The following OR6K6 variants were observed in gnomAD, a reference collection of about 807,000 sequenced individuals.
OR6K6 encodes the protein olfactory receptor 6K6.
A neutral mutation model predicts 8.1 loss-of-function variants in OR6K6; 9 were observed. The ratio of observed to expected loss-of-function variants is 1.11; its 90% CI spans 0.67 to 1.94. The LOEUF (loss-of-function observed/expected upper bound fraction) is 1.94. OR6K6 is among the 30% of genes most tolerant of loss of function. The pLI, the probability that OR6K6 is intolerant of heterozygous loss-of-function variation, is 0.00. For missense variants in OR6K6, 400 were observed against 383.1 expected, an observed-to-expected ratio of 1.04 and a Z score of -0.37; for synonymous variants, 156 against 140.3, an observed-to-expected ratio of 1.11 and a Z score of -0.79.
exon 1 of OR6K6, chr1:158,755,663 C>A: frequency 6.2e-7 from 1 of 1,614,134 alleles, no homozygotes; most frequent in Non-Finnish European, 8.5e-7. Flanking sequence ...GGCAGTGTGG[C>A]TGTCATGTAT....
chr1:158,755,267 A>G lies in OR6K6; in HGVS notation c.380A>G (p.Tyr127Cys). 2.5e-6 allele frequency: 4 copies of G among 1,614,082 alleles called. No homozygotes were observed. The South Asian group carries it at 4.4e-5, about 18-fold the overall frequency. Residue 127 changes from tyrosine (Y) to cysteine (C), a missense_variant, in exon 1 of 1, where the codon TAC becomes TGC. Transcript: ENST00000641861. ...CTGACAGCAATGGCCATTGACAGGT[A>G]CATAGCTATCTGCAATCCACTCCGT...
At chr1:158,755,167 A>C in exon 1 of OR6K6, 1 of 1,614,076 alleles carries the variant, frequency 6.2e-7, no homozygotes, top group Non-Finnish European at 8.5e-7. Context: ...CAGTGAGCAG[A>C]AGAGCATTTC....
At chr1:158,755,834 G>T (rs753446863) in exon 1 of OR6K6, 2 of 1,600,640 alleles carry the variant, frequency 1.2e-6, no homozygotes, top group Non-Finnish European at 1.7e-6. Flanking sequence ...AGGGCTGGTT[G>T]GGCTGGGAAA....
chr1:158,755,534 T>C, exon 1 of OR6K6: 1 of 1,614,218 alleles, frequency 6.2e-7, no homozygotes, highest in Non-Finnish European at 8.5e-7. Flanking sequence ...TCCTTCCTGG[T>C]CATTGCTCTA....
exon 1 of OR6K6, chr1:158,755,442 C>G (rs866042716): frequency 1.2e-6 from 2 of 1,614,204 alleles, no homozygotes; most frequent in Admixed American, 3.3e-5. Context: ...TCTGTGATTT[C>G]ACACCTGTGC....
At chr1:158,755,215 T>C in exon 1 of OR6K6, 1 of 1,614,096 alleles carries the variant, frequency 6.2e-7, no homozygotes, top group Non-Finnish European at 8.5e-7. Flanking sequence ...CTTTTTCCAC[T>C]CACTTGGTAT....
At chr1:158,755,552 T>C in exon 1 of OR6K6, 2 of 1,614,164 alleles carry the variant, frequency 1.2e-6, no homozygotes, top group East Asian at 2.2e-5. Flanking sequence ...CTATCCTACA[T>C]CCGGATTATT....
At chr1:158,755,339 G>A (rs267598108) in exon 1 of OR6K6, 1 of 1,614,188 alleles carries the variant, frequency 6.2e-7, no homozygotes, top group Non-Finnish European at 8.5e-7. Context: ...CTGACAGTTG[G>A]ATCCTGCTTT....
At chr1:158,755,841 G>A (rs865845196) in exon 1 of OR6K6, 2 of 1,596,194 alleles carry the variant, frequency 1.3e-6, no homozygotes, top group Non-Finnish European at 1.7e-6. Context: ...GTTGGGCTGG[G>A]AAATAGATAC....
chr1:158,754,939 T>G (rs763708518), exon 1 of OR6K6: 1 of 1,614,194 alleles, frequency 6.2e-7, no homozygotes, highest in Non-Finnish European at 8.5e-7. Flanking sequence ...TGAGTTCCTC[T>G]TCTCTATGTT....
At chr1:158,755,536 A>G (rs764093491) in exon 1 of OR6K6, 1 of 1,614,142 alleles carries the variant, frequency 6.2e-7, no homozygotes, top group South Asian at 1.1e-5. Flanking sequence ...CTTCCTGGTC[A>G]TTGCTCTATC....
exon 1 of OR6K6, chr1:158,755,239 G>C (rs1656960252): frequency 6.2e-7 from 1 of 1,614,054 alleles, no homozygotes. Context: ...AGAAAGCTGT[G>C]TCCTGACAGC....
exon 1 of OR6K6, chr1:158,755,255 C>A: frequency 6.2e-7 from 1 of 1,613,894 alleles, no homozygotes; most frequent in Non-Finnish European, 8.5e-7. Flanking sequence ...ACAGCAATGG[C>A]CATTGACAGG....
exon 1 of OR6K6, chr1:158,755,782 G>C: frequency 1.9e-6 from 3 of 1,613,978 alleles, no homozygotes; most frequent in Non-Finnish European, 2.5e-6. Context: ...GAAAAACAAG[G>C]ACATGAAAGA....
chr1:158,755,060 C>A, exon 1 of OR6K6: 1 of 1,614,096 alleles, frequency 6.2e-7, no homozygotes, highest in Non-Finnish European at 8.5e-7. Flanking sequence ...GTGGGCATGG[C>A]CCTGCACACC....
chr1:158,755,531 T>A, exon 1 of OR6K6: 1 of 1,614,220 alleles, frequency 6.2e-7, no homozygotes, highest in Non-Finnish European at 8.5e-7. Flanking sequence ...GCCTCCTTCC[T>A]GGTCATTGCT....
At chr1:158,755,598 T>A in exon 1 of OR6K6, 1 of 1,614,230 alleles carries the variant, frequency 6.2e-7, no homozygotes, top group Non-Finnish European at 8.5e-7. Context: ...CTGAAGGTCA[T>A]CACAAGGCCT....
rs764520558 is a variant in OR6K6 at position 158,755,013 on chromosome 1, C to A, written c.126C>A (p.Ile42=). ...CCTTGCTTCTCATCTACGGATTTAT[C>A]CTAACTGGAAACCTAATAATGTTCA... The change falls in exon 1 of 1, where the codon ATC becomes ATA. Residue 42 remains isoleucine (I), a synonymous_variant. Transcript: ENST00000641861. 2.5e-6 allele frequency: 4 copies of A among 1,614,108 alleles called. No individual in the cohort carries two copies. The Admixed American group carries it at 6.7e-5, about 27-fold the overall frequency.
In OR6K6 at chr1:158,755,754, C is replaced by A. The variant is rs778969207; in HGVS notation, c.867C>A (p.Asn289Lys). The A allele has an allele frequency of 2.5e-6, 4 of 1,614,008 alleles. No homozygotes were observed. In the South Asian group the frequency reaches 4.4e-5, roughly 18 times the overall value. The change falls in exon 1 of 1, where the codon AAC (asparagine) becomes AAA (lysine). Residue 289 changes from asparagine to lysine, a missense_variant. Physicochemically the swap from Asn to Lys is moderately conservative, Grantham distance 94. Transcript: ENST00000641861. ...TTGTTATCCTTGCTCCCTTTTTCAACCCCATCATCTATAGCCTGAAAAACA... is the reference window on the plus strand; with the variant it reads ...TTGTTATCCTTGCTCCCTTTTTCAAACCCATCATCTATAGCCTGAAAAACA...
Sources: allele counts gnomAD v4.1 joint callset, GRCh38; gene constraint gnomAD v4.1.1; transcripts MANE v1.5; gene names NCBI Gene and HGNC (gene_info 2026-07-23, HGNC 2026-07-21).